Variants in ASAH1 observed in about 807,000 individuals in gnomAD.
ASAH1 encodes acid ceramidase.
A neutral mutation model predicts 59.5 loss-of-function variants in ASAH1; 70 were observed. The observed-to-expected ratio is 1.18, with a 90% CI of 0.97 to 1.43. The LOEUF is 1.43. Among genes scored for constraint, ASAH1 ranks in the 40% most tolerant of loss-of-function variants. The probability of loss-of-function intolerance (pLI) is 0.00; values close to 1 mark genes in which losing one functional copy is unlikely to be tolerated. For synonymous variants in ASAH1, 213 were observed against 166.5 expected (o/e 1.28, Z -2.15); for missense variants, 660 against 482.5 (o/e 1.37, Z -3.45).
chr8:18,056,391 C>T lies in ASAH1; in HGVS notation c.*1143G>A, dbSNP rs899206741. On this transcript the variant is annotated 3_prime_UTR_variant, in exon 14 of 14. Transcript: ENST00000637790. Reference sequence around the variant, plus strand: ...AGCTTGTATTTCTTGATAATAACCCCCCTCCTCCAAACCAACACAGATGTA... The same window carrying T: ...AGCTTGTATTTCTTGATAATAACCCTCCTCCTCCAAACCAACACAGATGTA... 6.6e-6 allele frequency: 1 copy of T among 152,060 alleles called. No homozygotes were observed. The highest frequency in any genetic ancestry group is 2.4e-5 in the African/African-American group (1 of 41,388). The allele number at this position is 152,060 out of a possible 1,614,324, so 9.4% of individuals were successfully genotyped here.
chr8:18,065,288 G>A lies in ASAH1; in HGVS notation c.383-757C>T, dbSNP rs534684781. The A allele has an allele frequency of 1.4e-4, 21 of 151,952 alleles. No homozygotes were observed. The East Asian group carries it at 3.3e-3, about 24-fold the overall frequency. The allele number at this position is 151,952 out of a possible 1,614,324, so 9.4% of individuals were successfully genotyped here. ...AGGTATTTCTATTTGGTATTGAGTT[G>A]CTAGAGTTCTTTACATAATAAAGGA... is the stretch of plus-strand genomic sequence containing the variant. On this transcript the variant is annotated intron_variant, in intron 5 of 13. Transcript: ENST00000637790.
chr8:18,077,820 T>G (rs1392215396), intron 1 of ASAH1, among the ~76,000 whole-genome samples: 1 of 152,224 alleles, frequency 6.6e-6, no homozygotes, highest in East Asian at 1.9e-4. Flanking sequence ...TTTGTAAAAT[T>G]TGTAAATAAG....
chr8:18,058,859 C>G lies in ASAH1; in HGVS notation c.1074G>C (p.Leu358=), dbSNP rs778740336. The change falls in exon 13 of 14, where the codon CTG becomes CTC. Residue 358 remains leucine (L), a synonymous_variant. Coordinates refer to ENST00000637790, the MANE Select transcript of ASAH1 (RefSeq NM_177924.5). ...NISFETMYDV[L]STKPVLNKLT... is the part of the protein sequence containing the mutation. ...CCTTGTTGAGGACAGGTTTTGTTGA[C>G]AGGACATCATACATGGTTTCAAATG... The G allele has an allele frequency of 6.2e-7, 1 of 1,612,650 alleles. No homozygotes were observed. The highest frequency in any genetic ancestry group is 2.2e-5 in the East Asian group (1 of 44,864).
intron 7 of ASAH1, 145 bp downstream of exon 7, chr8:18,063,040 T>G (rs1314362424): frequency 1.4e-6 from 1 of 722,240 alleles, no homozygotes. Context: ...TGGCTAATTT[T>G]TATGTTTTTA....
chr8:18,075,387 CA>C, intron 2 of ASAH1, 153 bp downstream of exon 2: 1 of 827,926 alleles, frequency 1.2e-6, no homozygotes, highest in Non-Finnish European at 2.1e-6. Context: ...CAGCCAAATG[CA>C]TAATAAACAA....
chr8:18,078,742 T>C (rs796754288), intron 1 of ASAH1, among the ~76,000 whole-genome samples: 3 of 152,312 alleles, frequency 2.0e-5, no homozygotes, highest in African/African-American at 4.8e-5. Flanking sequence ...AAAACTTAAA[T>C]AGATGATAGG....
At chr8:18,084,131 C>T, upstream of ASAH1, 1 of 1,580,056 alleles carries the variant, frequency 6.3e-7, no homozygotes, top group Non-Finnish European at 8.5e-7. Context: ...GGGGGCAGGC[C>T]ACGCCCCCTC....
chr8:18,061,855 C>A (rs1799715855), intron 8 of ASAH1, 115 bp from the exon 9 acceptor site: 2 of 970,792 alleles, frequency 2.1e-6, no homozygotes, highest in East Asian at 2.6e-5. Context: ...ATGGGGAAGG[C>A]AAAAATAAAT....
At chr8:18,082,820 CAGTATCAA>C (rs1180540052) in intron 1 of ASAH1, among the ~76,000 whole-genome samples, 1 of 152,178 alleles carries the variant, frequency 6.6e-6, no homozygotes, top group African/African-American at 2.4e-5. Context: ...AGGGCCCTGA[CAGTATCAA>C]AGTATCAAAG....
chr8:18,075,739 C>A (rs1305863586), intron 1 of ASAH1, 152 bp from the exon 2 acceptor site: 2 of 684,222 alleles, frequency 2.9e-6, no homozygotes, highest in Non-Finnish European at 2.5e-6. Flanking sequence ...TCTTTTCTTT[C>A]CAAGAAAACT....
intron 6 of ASAH1, 170 bp downstream of exon 6, chr8:18,064,287 A>G (rs1355065744): frequency 1.7e-5 from 11 of 643,812 alleles, no homozygotes; most frequent in Non-Finnish European, 3.0e-5. Context: ...GTCTGAAAAT[A>G]AGGAAAATTT....
In ASAH1 at chr8:18,062,395, T is replaced by A. The variant is rs566970608; in HGVS notation, c.532A>T (p.Ile178Leu). 6 of 1,614,174 alleles carry A rather than the reference T, an allele frequency of 3.7e-6. No homozygotes were observed. The highest frequency in any genetic ancestry group is 3.3e-5 in the Admixed American group (2 of 60,026). ...GTTAAAGGTTTTAGTTGCTCAGTTA[T>A]GACCCAGGTATCATTATTTATGTTC... ...GWNINNDTWV[I>L]TEQLKPLTVN... Residue 178 changes from isoleucine (I) to leucine (L), a missense_variant, in exon 8 of 14, where the codon ATA (isoleucine) becomes TTA (leucine). Transcript: ENST00000637790.
intron 2 of ASAH1, among the ~76,000 whole-genome samples, chr8:18,072,253 C>T (rs1455548318): frequency 1.3e-5 from 2 of 152,232 alleles, no homozygotes; most frequent in African/African-American, 4.8e-5. Flanking sequence ...CTGATCTGCT[C>T]CTGAGACTGG....
intron 8 of ASAH1, 100 bp from the exon 9 acceptor site, chr8:18,061,840 G>T (rs2117026948): frequency 1.8e-6 from 2 of 1,111,054 alleles, no homozygotes; most frequent in Non-Finnish European, 2.7e-6. Context: ...GGCCTAGCTT[G>T]GGTAATGGGG....
chr8:18,067,143 A>ATATCTAAGAAATACAGCACCTGTGC, intron 5 of ASAH1, 77 bp downstream of exon 5: 1 of 1,321,250 alleles, frequency 7.6e-7, no homozygotes, highest in Non-Finnish European at 1.1e-6. Context: ...CCTGTGCTGT[A>ATATCTAAGAAATACAGCACCTGTGC]TGTATATCAC....
chr8:18,064,429 T>TGGG, intron 6 of ASAH1, 28 bp downstream of exon 6: 42 of 1,496,684 alleles, frequency 2.8e-5, no homozygotes, highest in Non-Finnish European at 3.6e-5. Context: ...TGCTTCATGC[T>TGGG]GCCCACCCTC....
chr8:18,084,898 A>G (rs1439354339), upstream of ASAH1: 1 of 1,530,350 alleles, frequency 6.5e-7, no homozygotes, highest in Non-Finnish European at 8.8e-7. Flanking sequence ...CGGCAGGGGG[A>G]CTCGCTTGGC....
chr8:18,084,059 C>T lies in ASAH1; in HGVS notation c.-1G>A, dbSNP rs758659162. 1.3e-6 allele frequency: 2 copies of T among 1,598,618 alleles called. No homozygotes were observed. Among genetic ancestry groups the T allele is most frequent in the South Asian group, 2.2e-5 (2 of 91,068 alleles). ...AGGCGACGCAACTCCGGCCCGGCATCGCTCTAGCAGCCAACGCCACTCCCC... is the reference window on the plus strand; with the variant it reads ...AGGCGACGCAACTCCGGCCCGGCATTGCTCTAGCAGCCAACGCCACTCCCC... On this transcript the variant is annotated 5_prime_UTR_variant, in exon 1 of 14. Coordinates refer to ENST00000637790, the MANE Select transcript of ASAH1 (RefSeq NM_177924.5).
intron 2 of ASAH1, among the ~76,000 whole-genome samples, chr8:18,072,228 C>A (rs185681147): frequency 2.4e-4 from 36 of 152,274 alleles, no homozygotes; most frequent in Non-Finnish European, 4.7e-4. Context: ...CTAAAAATAA[C>A]CATCATCTGT....
Sources: gnomAD v4.1 joint callset for allele counts (sites outside exome capture counted in the v4.1 genomes callset) on GRCh38, gnomAD v4.1.1 for gene constraint, MANE v1.5 for transcripts, NCBI Gene and HGNC (gene_info 2026-07-23, HGNC 2026-07-21) for gene names.